The following GPC5 variants were observed in gnomAD, a reference collection of about 807,000 sequenced individuals.
GPC5 encodes the protein glypican 5.
GPC5 carries 47 observed loss-of-function variants against 53.9 expected under a neutral mutation model. That is an observed-to-expected ratio of 0.87 (90% CI 0.69 to 1.11). The LOEUF (loss-of-function observed/expected upper bound fraction) is 1.11. Among genes scored for constraint, GPC5 ranks in the 50% most tolerant of loss-of-function variants. The pLI is 0.00. For missense variants in GPC5, 748 were observed against 713.1 expected (o/e 1.05, Z -0.56); for synonymous variants, 286 against 263.3 (o/e 1.09, Z -0.84).
intron 5 of GPC5, among the ~76,000 whole-genome samples, chr13:91,860,142 T>C (rs1321738512): frequency 6.6e-6 from 1 of 152,168 alleles, no homozygotes; most frequent in Admixed American, 6.6e-5. Context: ...CATACCATAG[T>C]AGTATAGAGC....
intron 7 of GPC5, among the ~76,000 whole-genome samples, chr13:92,634,733 T>G (rs1428050640): frequency 6.6e-6 from 1 of 152,048 alleles, no homozygotes; most frequent in Non-Finnish European, 1.5e-5. Flanking sequence ...TTCTTATCTC[T>G]CATTGCCTCT....
At position 92,735,404 on chromosome 13, in the gene GPC5, C is replaced by T. The variant is rs900106259; in HGVS notation, c.1562-130878C>T. Reference sequence around the variant, plus strand: ...AACCTAAGCTGAGAACAGAGCATGGCCTATAGCATTAAGTGAACTTTATTT... The same window carrying T: ...AACCTAAGCTGAGAACAGAGCATGGTCTATAGCATTAAGTGAACTTTATTT... On this transcript the variant is annotated intron_variant, in intron 7 of 7. Transcript: ENST00000377067. Among the ~76,000 whole-genome samples the T allele has an allele frequency of 2.6e-5, 4 of 151,850 alleles. 1 individual carries two copies. In the Admixed American group the frequency reaches 2.6e-4, roughly 10 times the overall value.
chr13:91,438,505 T>G (rs1380874140), intron 1 of GPC5, among the ~76,000 whole-genome samples: 2 of 152,186 alleles, frequency 1.3e-5, no homozygotes, highest in Non-Finnish European at 2.9e-5. Flanking sequence ...TGTTGCTGCC[T>G]GATCGTTCCT....
rs112600585 is a variant in GPC5 at position 92,169,243 on chromosome 13, G to T, written c.1561+24254G>T. On this transcript the variant is annotated intron_variant, in intron 7 of 7. Transcript: ENST00000377067. The stretch of plus-strand genomic sequence containing the variant: ...AGCTAATGCATGCTGGGCTTAATAC[G>T]TAGGTGATGGGTTGATAGGTGCAGC... Among the ~76,000 whole-genome samples the T allele has an allele frequency of 7.8e-3, 1,182 of 152,292 alleles. 22 individuals are homozygous for T. Among genetic ancestry groups the T allele is most frequent in the African/African-American group, 0.027 (1,127 of 41,544 alleles).
chr13:91,436,786 G>T (rs1283206705), intron 1 of GPC5, among the ~76,000 whole-genome samples: 1 of 152,086 alleles, frequency 6.6e-6, no homozygotes, highest in African/African-American at 2.4e-5. Context: ...TGACAGTGGG[G>T]TGTTAAAGTC....
chr13:92,364,072 A>C (rs1315905714), intron 7 of GPC5, among the ~76,000 whole-genome samples: 1 of 151,784 alleles, frequency 6.6e-6, no homozygotes, highest in Non-Finnish European at 1.5e-5. Context: ...GTAAATTGAA[A>C]ATCAAGCCTA....
intron 1 of GPC5, among the ~76,000 whole-genome samples, chr13:91,437,864 A>G (rs1451015889): frequency 2.0e-5 from 3 of 151,992 alleles, no homozygotes; most frequent in Non-Finnish European, 4.4e-5. Flanking sequence ...ATTTCTTTTT[A>G]TTCTTTTTTC....
At chr13:91,948,158 G>A (rs2039991709) in intron 6 of GPC5, among the ~76,000 whole-genome samples, 1 of 151,504 alleles carries the variant, frequency 6.6e-6, no homozygotes, top group African/African-American at 2.4e-5. Flanking sequence ...AATCTGGGAG[G>A]TGGAGCTTGC....
chr13:92,243,728 C>G (rs1347866098), intron 7 of GPC5, among the ~76,000 whole-genome samples: 1 of 151,884 alleles, frequency 6.6e-6, no homozygotes, highest in East Asian at 1.9e-4. Context: ...AAGTAAAATT[C>G]AAGAGCCTGG....
chr13:91,905,085 G>A (rs1417105065), intron 5 of GPC5, among the ~76,000 whole-genome samples: 1 of 152,022 alleles, frequency 6.6e-6, no homozygotes, highest in African/African-American at 2.4e-5. Context: ...TGTTTATCAT[G>A]AATTGACAAA....
intron 7 of GPC5, among the ~76,000 whole-genome samples, chr13:92,657,570 G>A (rs1229128154): frequency 7.2e-6 from 1 of 139,770 alleles, no homozygotes; most frequent in Admixed American, 7.6e-5. Flanking sequence ...TTTTCTAGAA[G>A]GTTTTTTGGT....
intron 3 of GPC5, among the ~76,000 whole-genome samples, chr13:91,715,761 T>A (rs1331162361): frequency 8.7e-5 from 13 of 149,648 alleles, no homozygotes; most frequent in Middle Eastern, 3.5e-3. Context: ...TTTTTTTTTT[T>A]AAGATAGGGT....
At chr13:91,925,699 A>T (rs775234618) in intron 6 of GPC5, among the ~76,000 whole-genome samples, 7 of 152,142 alleles carry the variant, frequency 4.6e-5, no homozygotes, top group Non-Finnish European at 8.8e-5. Flanking sequence ...GGGCATACGA[A>T]ATTGATTAAG....
intron 7 of GPC5, among the ~76,000 whole-genome samples, chr13:92,206,176 T>A (rs1331422265): frequency 6.8e-6 from 1 of 147,864 alleles, no homozygotes; most frequent in East Asian, 2.0e-4. Flanking sequence ...TATTTTTTTT[T>A]TTTTTTTGAG....
At chr13:91,708,207 T>C (rs550879616) in intron 3 of GPC5, among the ~76,000 whole-genome samples, 1 of 152,272 alleles carries the variant, frequency 6.6e-6, no homozygotes, top group African/African-American at 2.4e-5. Flanking sequence ...GAGGACATAG[T>C]CTTAAAGTTC....
intron 7 of GPC5, among the ~76,000 whole-genome samples, chr13:92,271,776 A>G (rs2042841454): frequency 6.6e-6 from 1 of 152,154 alleles, no homozygotes; most frequent in South Asian, 2.1e-4. Flanking sequence ...TGCTTAGTGT[A>G]TGTGACTAGG....
intron 7 of GPC5, among the ~76,000 whole-genome samples, chr13:92,640,667 C>T (rs574871494): frequency 3.9e-5 from 6 of 152,066 alleles, no homozygotes; most frequent in Non-Finnish European, 7.4e-5. Flanking sequence ...TCTGGAACAC[C>T]TTTTTGTGCC....
chr13:91,996,024 C>T (rs1388156845), intron 6 of GPC5: 1 of 152,222 alleles, frequency 6.6e-6, no homozygotes, highest in Non-Finnish European at 1.5e-5. Context: ...GGTTGTGGCA[C>T]TTGAAGCCTT....
intron 5 of GPC5, among the ~76,000 whole-genome samples, chr13:91,774,693 A>G (rs1327616524): frequency 6.6e-6 from 1 of 151,618 alleles, no homozygotes; most frequent in Admixed American, 6.6e-5. Context: ...TGCTCCTCAC[A>G]CCCCCTCCCT....
Sources: gnomAD v4.1 joint callset for allele counts (sites outside exome capture counted in the v4.1 genomes callset) on GRCh38, gnomAD v4.1.1 for gene constraint, MANE v1.5 for transcripts, NCBI Gene and HGNC (gene_info 2026-07-23, HGNC 2026-07-21) for gene names.